NOTCH2NLC: variants seen among roughly 807,000 people sequenced by gnomAD.
NOTCH2NLC encodes notch 2 N-terminal like C.
Under a neutral mutation model 17.7 loss-of-function variants are expected in NOTCH2NLC, and 4 were observed. The ratio of observed to expected loss-of-function variants is 0.23; its 90% CI spans 0.11 to 0.52. NOTCH2NLC has a LOEUF of 0.52. Ranked by LOEUF, NOTCH2NLC falls within the 20% of genes least tolerant of loss-of-function variation. The pLI is 0.96. For synonymous variants in NOTCH2NLC, 18 were observed against 86.0 expected, an observed-to-expected ratio of 0.21 and a Z score of 4.38; for missense variants, 57 against 207.2, an observed-to-expected ratio of 0.28 and a Z score of 4.45.
At chr1:149,420,624 A>AT (rs1393640894) in intron 1 of NOTCH2NLC, among the ~76,000 whole-genome samples, 2 of 139,012 alleles carry the variant, frequency 1.4e-5, no homozygotes, top group Non-Finnish European at 3.2e-5. Flanking sequence ...CTGAAGGCAT[A>AT]TTATTTGATC....
chr1:149,420,159 C>A (rs1324748465), intron 1 of NOTCH2NLC, among the ~76,000 whole-genome samples: 2,771 of 150,416 alleles, frequency 0.018, 151 homozygotes, highest in Non-Finnish European at 0.025. Flanking sequence ...CATGAGCCAC[C>A]GTGCCTGGCC....
At chr1:149,392,895 C>A (rs1351550317) in intron 1 of NOTCH2NLC, among the ~76,000 whole-genome samples, 1 of 149,984 alleles carries the variant, frequency 6.7e-6, no homozygotes, top group Non-Finnish European at 1.5e-5. Flanking sequence ...AACGGTGAAA[C>A]CCCGTCTCTA....
rs2084700396 is a variant in NOTCH2NLC, at chr1:149,468,733, GA to G, written c.*4586del. On this transcript the variant is annotated 3_prime_UTR_variant, in exon 5 of 5. Coordinates refer to ENST00000650865, the MANE Select transcript of NOTCH2NLC (RefSeq NM_001364013.2). ...TGTGACTTCTTTGGTGACAAAGTTA[GA>G]AAAAAGTGGAGGTCAGTAGGGAGAT... Among the ~76,000 whole-genome samples, 6 of 143,900 alleles carry G rather than the reference GA, an allele frequency of 4.2e-5. 2 individuals are homozygous for G. In the South Asian group the frequency reaches 1.4e-3, roughly 35 times the overall value. 94.4% of individuals were successfully genotyped at this position (143,900 alleles called of 152,430 possible).
chr1:149,431,759 AAGTG>A (rs1278289862), intron 2 of NOTCH2NLC, among the ~76,000 whole-genome samples: 2 of 39,354 alleles, frequency 5.1e-5, no homozygotes, highest in Non-Finnish European at 1.0e-4. Flanking sequence ...CTAATTCTGA[AAGTG>A]AGACAGTGAG....
rs1340863312 is a variant in NOTCH2NLC at position 149,419,861 on chromosome 1, T to A, written c.136-11081T>A. Among the ~76,000 whole-genome samples the A allele has an allele frequency of 4.9e-4, 56 of 114,122 alleles. 1 individual carries two copies. The highest frequency in any genetic ancestry group is 4.4e-3 in the East Asian group (15 of 3,396). 74.9% of individuals were successfully genotyped at this position (114,122 alleles called of 152,430 possible). On this transcript the variant is annotated intron_variant, in intron 1 of 4. Coordinates refer to ENST00000650865, the MANE Select transcript of NOTCH2NLC (RefSeq NM_001364013.2). ...CAGGAATATATATATATATATTTTT[T>A]TTTTTTTTTTTTTTTTTTTTCCTCA...
At chr1:149,409,351 T>C (rs1305765992) in intron 1 of NOTCH2NLC, among the ~76,000 whole-genome samples, 3 of 148,754 alleles carry the variant, frequency 2.0e-5, no homozygotes, top group Non-Finnish European at 4.5e-5. Context: ...TGTGTGTGTG[T>C]TGGGAGGAGG....
At chr1:149,412,134 A>C (rs1472031742) in intron 1 of NOTCH2NLC, among the ~76,000 whole-genome samples, 8 of 147,472 alleles carry the variant, frequency 5.4e-5, no homozygotes, top group African/African-American at 2.0e-4. Context: ...AAAAAAACAA[A>C]AAAAAAACAA....
intron 1 of NOTCH2NLC, among the ~76,000 whole-genome samples, chr1:149,424,532 C>A (rs1486579202): frequency 6.6e-6 from 1 of 150,862 alleles, no homozygotes; most frequent in African/African-American, 2.4e-5. Context: ...AGTTTCTTGA[C>A]AAATATTAGT....
intron 1 of NOTCH2NLC, among the ~76,000 whole-genome samples, chr1:149,413,236 A>G (rs2084309451): frequency 1.3e-5 from 2 of 150,772 alleles, no homozygotes; most frequent in South Asian, 4.2e-4. Flanking sequence ...CCCTTGGTCC[A>G]TTGCTTTATT....
intron 1 of NOTCH2NLC, among the ~76,000 whole-genome samples, chr1:149,418,942 C>G (rs1352663275): frequency 3.3e-5 from 5 of 151,082 alleles, no homozygotes; most frequent in Non-Finnish European, 7.4e-5. Flanking sequence ...CTCTTTCTCT[C>G]TTTCCCTTTT....
chr1:149,425,497 G>A (rs2084408236), intron 1 of NOTCH2NLC, among the ~76,000 whole-genome samples: 1 of 151,304 alleles, frequency 6.6e-6, no homozygotes, highest in Non-Finnish European at 1.5e-5. Context: ...GAGTAATACT[G>A]GGCACGTAAA....
intron 1 of NOTCH2NLC, among the ~76,000 whole-genome samples, chr1:149,417,407 C>T (rs1400372031): frequency 1.3e-5 from 2 of 151,154 alleles, no homozygotes; most frequent in Non-Finnish European, 3.0e-5. Flanking sequence ...CGCGCCCGGC[C>T]GGATATCAGG....
At chr1:149,445,709 G>A (rs1213904056) in intron 2 of NOTCH2NLC, among the ~76,000 whole-genome samples, 1 of 150,328 alleles carries the variant, frequency 6.7e-6, no homozygotes, top group Non-Finnish European at 1.5e-5. Flanking sequence ...CTTTAATGAG[G>A]AGCAGCTGCA....
chr1:149,450,255 A>G (rs1184021229), intron 2 of NOTCH2NLC, among the ~76,000 whole-genome samples: 11 of 142,778 alleles, frequency 7.7e-5, no homozygotes, highest in Non-Finnish European at 1.4e-4. Flanking sequence ...TAACAAATGC[A>G]TAGTGTTTAC....
chr1:149,450,066 T>C (rs1217078071), intron 2 of NOTCH2NLC, among the ~76,000 whole-genome samples: 2 of 143,140 alleles, frequency 1.4e-5, no homozygotes, highest in African/African-American at 5.2e-5. Flanking sequence ...ACTTTTTAGC[T>C]ATTATGAATA....
At chr1:149,395,001 T>C (rs1479208420) in intron 1 of NOTCH2NLC, among the ~76,000 whole-genome samples, 1 of 147,726 alleles carries the variant, frequency 6.8e-6, no homozygotes, top group Non-Finnish European at 1.5e-5. Flanking sequence ...TTTTCTGATG[T>C]TCATTGTTCA....
At position 149,462,833 on chromosome 1, in the gene NOTCH2NLC, A is replaced by ATTTTTTTTTTTTTTTTTTT. The variant is rs878889477; in HGVS notation, c.470-656_470-638dup. 1.7e-5 allele frequency among the ~76,000 whole-genome samples: 2 copies of ATTTTTTTTTTTTTTTTTTT among 117,092 alleles called. 1 individual carries two copies. The highest frequency in any genetic ancestry group is 6.4e-5 in the African/African-American group (2 of 31,050). The allele number at this position is 117,092 out of a possible 152,430, so 76.8% of individuals were successfully genotyped here. A position where few individuals can be genotyped will look rare whatever the true frequency, so the allele number is the denominator to read the frequency against. ...CACTAGGAAAACAGACGGGAAGTTG[A>ATTTTTTTTTTTTTTTTTTT]TTTTTTTTTTTTTTTTTTTTGAAAT... On this transcript the variant is annotated intron_variant, in intron 3 of 4. Coordinates refer to ENST00000650865, the MANE Select transcript of NOTCH2NLC (RefSeq NM_001364013.2).
intron 2 of NOTCH2NLC, among the ~76,000 whole-genome samples, chr1:149,432,129 T>C (rs1275456871): frequency 1.5e-5 from 2 of 135,422 alleles, no homozygotes; most frequent in Admixed American, 7.5e-5. Context: ...TCCTTCATTT[T>C]TGTGAGGAGT....
intron 2 of NOTCH2NLC, among the ~76,000 whole-genome samples, chr1:149,452,420 CTATT>C (rs2084595433): frequency 6.9e-6 from 1 of 145,598 alleles, no homozygotes; most frequent in Admixed American, 6.8e-5. Flanking sequence ...TCCGGTAAGA[CTATT>C]TATGGACACT....
Sources: gnomAD v4.1 joint callset for allele counts (sites outside exome capture counted in the v4.1 genomes callset) on GRCh38, gnomAD v4.1.1 for gene constraint, MANE v1.5 for transcripts, NCBI Gene and HGNC (gene_info 2026-07-23, HGNC 2026-07-21) for gene names.